Variants in PPP3CC observed in about 807,000 individuals in gnomAD.
PPP3CC encodes serine/threonine-protein phosphatase 2B catalytic subunit gamma isoform.
PPP3CC carries 35 observed loss-of-function variants against 60.3 expected under a neutral mutation model. The observed-to-expected ratio is 0.58, with a 90% CI of 0.44 to 0.77. The LOEUF is 0.77. PPP3CC is among the 30% of genes least tolerant of loss of function. PPP3CC has a pLI of 0.00. For missense variants in PPP3CC, 570 were observed against 628.9 expected (o/e 0.91, Z 1.00); for synonymous variants, 206 against 224.3 (o/e 0.92, Z 0.73).
chr8:22,449,835 A>G (rs1836951912), intron 1 of PPP3CC, among the ~76,000 whole-genome samples: 1 of 151,816 alleles, frequency 6.6e-6, no homozygotes, highest in South Asian at 2.1e-4. Flanking sequence ...TGGGACAGCA[A>G]GACTATTTTG....
chr8:22,534,921 G>A (rs58814902), intron 12 of PPP3CC, among the ~76,000 whole-genome samples: 1,777 of 152,278 alleles, frequency 0.012, 36 homozygotes, highest in African/African-American at 0.041. Context: ...GGACTAATCA[G>A]TGATAATAAA....
chr8:22,527,564 C>G (rs17671456), intron 9 of PPP3CC, 47 bp downstream of exon 9: 192,870 of 1,589,958 alleles, frequency 0.12, 13,163 homozygotes, highest in Admixed American at 0.2. Context: ...GGTGACTGAG[C>G]ATACCTTATA....
chr8:22,511,878 C>T lies in PPP3CC; in HGVS notation c.630+647C>T, dbSNP rs181448455. ...GTGTAACCTTAACCAAGTTATTGAACCTCTTAGTCACATTTCTTCTCTATG... is the reference window on the plus strand; with the variant it reads ...GTGTAACCTTAACCAAGTTATTGAATCTCTTAGTCACATTTCTTCTCTATG... On this transcript the variant is annotated intron_variant, in intron 5 of 13. Transcript: ENST00000240139. Among the ~76,000 whole-genome samples, 15 of 152,226 alleles carry T rather than the reference C, an allele frequency of 9.9e-5. No homozygotes were observed. The East Asian group carries it at 2.1e-3, about 22-fold the overall frequency.
intron 5 of PPP3CC, among the ~76,000 whole-genome samples, chr8:22,513,072 G>A (rs745422515): frequency 6.7e-6 from 1 of 148,814 alleles, no homozygotes; most frequent in African/African-American, 2.5e-5. Flanking sequence ...ACGAAACTCC[G>A]TCTCAAAAAA....
chr8:22,495,452 A>G (rs527238789), intron 3 of PPP3CC, among the ~76,000 whole-genome samples: 1 of 152,258 alleles, frequency 6.6e-6, no homozygotes, highest in South Asian at 2.1e-4. Flanking sequence ...TATTGTTGGA[A>G]GTGTATCTTC....
intron 1 of PPP3CC, among the ~76,000 whole-genome samples, chr8:22,447,892 A>G (rs1836880163): frequency 6.6e-6 from 1 of 152,162 alleles, no homozygotes; most frequent in South Asian, 2.1e-4. Flanking sequence ...GCACAGAAAG[A>G]TATACTGGAT....
chr8:22,496,234 C>T (rs1437314804), intron 3 of PPP3CC, among the ~76,000 whole-genome samples: 1 of 151,766 alleles, frequency 6.6e-6, no homozygotes, highest in African/African-American at 2.4e-5. Flanking sequence ...TAAAATTCCA[C>T]TGGTATGTTT....
chr8:22,473,920 T>C (rs1158199139), intron 1 of PPP3CC, among the ~76,000 whole-genome samples: 1 of 151,554 alleles, frequency 6.6e-6, no homozygotes. Context: ...TTTGAGACAG[T>C]GTCTTGCTCT....
At chr8:22,526,621 C>T (rs1205976001) in intron 8 of PPP3CC, among the ~76,000 whole-genome samples, 1 of 152,028 alleles carries the variant, frequency 6.6e-6, no homozygotes, top group African/African-American at 2.4e-5. Flanking sequence ...ACTGTTACAC[C>T]CTGTTTTATT....
At chr8:22,446,214 T>C (rs533088901) in intron 1 of PPP3CC, among the ~76,000 whole-genome samples, 7 of 152,130 alleles carry the variant, frequency 4.6e-5, no homozygotes, top group Non-Finnish European at 1.0e-4. Context: ...ATGTAACCAC[T>C]CAACCAAAAT....
intron 3 of PPP3CC, among the ~76,000 whole-genome samples, chr8:22,486,747 T>G (rs62492584): frequency 1.2e-4 from 18 of 147,726 alleles, no homozygotes; most frequent in South Asian, 8.4e-4. Flanking sequence ...TTTTTTTTTT[T>G]GGGACGGAGT....
intron 6 of PPP3CC, among the ~76,000 whole-genome samples, chr8:22,515,694 T>C (rs1458873070): frequency 2.6e-5 from 4 of 152,222 alleles, no homozygotes; most frequent in African/African-American, 4.8e-5. Context: ...CATTGAAGTT[T>C]TGATTTGCAT....
chr8:22,456,046 AT>A (rs1304421878), intron 1 of PPP3CC, among the ~76,000 whole-genome samples: 1 of 152,236 alleles, frequency 6.6e-6, no homozygotes, highest in Non-Finnish European at 1.5e-5. Context: ...AGGTGAGTAG[AT>A]TAGGAAATGA....
Position 22,532,208 on chromosome 8 carries a change from T to G in PPP3CC, c.1142-17T>G. ...TAACACATCCCTTTAACTTACTTAT[T>G]CTTTGTATTCTCTAAGGAAGCACTA... is the stretch of plus-strand genomic sequence containing the variant. On this transcript the variant is annotated splice_polypyrimidine_tract_variant and intron_variant, in intron 10 of 13. Coordinates refer to ENST00000240139, the MANE Select transcript of PPP3CC (RefSeq NM_005605.5). The G allele has an allele frequency of 6.3e-7, 1 of 1,586,182 alleles. No homozygotes were observed. Among genetic ancestry groups the G allele is most frequent in the Non-Finnish European group, 8.6e-7 (1 of 1,156,560 alleles).
chr8:22,510,140 G>A (rs1253025944), intron 4 of PPP3CC, among the ~76,000 whole-genome samples: 1 of 142,210 alleles, frequency 7.0e-6, no homozygotes, highest in African/African-American at 2.6e-5. Context: ...CTAAGATCCC[G>A]CTACTGCACT....
At position 22,521,700 on chromosome 8, in the gene PPP3CC, T is replaced by A. The variant is rs1282307403; in HGVS notation, c.771-791T>A. ...TGAGCATAATGAGAAACAAAGATTT[T>A]AAAAATAAACTAAATAATTAATGCC... On this transcript the variant is annotated intron_variant, in intron 6 of 13. Coordinates refer to ENST00000240139, the MANE Select transcript of PPP3CC (RefSeq NM_005605.5). Among the ~76,000 whole-genome samples, 3 of 152,192 alleles carry A rather than the reference T, an allele frequency of 2.0e-5. No homozygotes were observed. The East Asian group carries it at 5.8e-4, about 29-fold the overall frequency.
intron 3 of PPP3CC, among the ~76,000 whole-genome samples, chr8:22,486,633 A>C (rs1195776276): frequency 6.6e-6 from 1 of 152,094 alleles, no homozygotes; most frequent in East Asian, 1.9e-4. Flanking sequence ...TGAATCGCTG[A>C]TCACAGAGGT....
intron 8 of PPP3CC, chr8:22,522,950 T>G: frequency 2.0e-6 from 1 of 496,260 alleles, no homozygotes; most frequent in Non-Finnish European, 3.5e-6. Flanking sequence ...ATTACTGGCT[T>G]CTTTGTGAGT....
chr8:22,441,783 G>C (rs1409104662), intron 1 of PPP3CC, among the ~76,000 whole-genome samples: 5 of 152,170 alleles, frequency 3.3e-5, no homozygotes, highest in East Asian at 3.9e-4. Flanking sequence ...GGAAGCCATC[G>C]GGGGTGGTGT....
Sources: allele counts gnomAD v4.1 joint callset (sites outside exome capture counted in the v4.1 genomes callset), GRCh38; gene constraint gnomAD v4.1.1; transcripts MANE v1.5; gene names NCBI Gene and HGNC (gene_info 2026-07-23, HGNC 2026-07-21).